Variants in SLC7A5 observed in about 807,000 individuals in gnomAD.
The protein encoded by SLC7A5 is large neutral amino acids transporter small subunit 1.
In SLC7A5, 23 loss-of-function variants were observed where a neutral mutation model predicts 50.2. The ratio of observed to expected loss-of-function variants is 0.46; its 90% CI spans 0.33 to 0.65. SLC7A5 has a LOEUF of 0.65. Among genes scored for constraint, SLC7A5 ranks in the 30% least tolerant of loss-of-function variants. SLC7A5 has a pLI of 0.02. For synonymous variants in SLC7A5, 393 were observed against 330.6 expected, an observed-to-expected ratio of 1.19 and a Z score of -2.05; for missense variants, 578 against 684.4, an observed-to-expected ratio of 0.84 and a Z score of 1.73.
chr16:87,847,552 C>G (rs775596094), intron 2 of SLC7A5, among the ~76,000 whole-genome samples: 1 of 152,178 alleles, frequency 6.6e-6, no homozygotes, highest in South Asian at 2.1e-4. Context: ...TCAGGATGGA[C>G]GTGTTACTCA....
rs939604745 is a variant in SLC7A5 at position 87,862,154 on chromosome 16, G to T, written c.538+6731C>A. On this transcript the variant is annotated intron_variant, in intron 1 of 9. Transcript: ENST00000261622. The surrounding 1 kb of genome is among the most constrained non-coding windows in gnomAD (Gnocchi z 5.3). ...CTACAGGTGCTTGATACCCCAGGGG[G>T]GCCCTGGAACAGGCCTGGACTGAGA... is the stretch of plus-strand genomic sequence containing the variant. Among the ~76,000 whole-genome samples the T allele has an allele frequency of 2.5e-4, 38 of 152,050 alleles. No homozygotes were observed. The highest frequency in any genetic ancestry group is 8.0e-4 in the African/African-American group (33 of 41,388).
At position 87,839,695 on chromosome 16, in the gene SLC7A5, G is replaced by A. The variant is rs534662843; in HGVS notation, c.939+7C>T. On this transcript the variant is annotated splice_region_variant and intron_variant, in intron 5 of 9. Coordinates refer to ENST00000261622, the MANE Select transcript of SLC7A5 (RefSeq NM_003486.7). ...CCCCTGGTGGAAGCTGGCGGGTAGC[G>A]GCTCACCACGGCCACGGCCTCGGAC... 3.3e-5 allele frequency: 53 copies of A among 1,613,112 alleles called. No individual in the cohort carries two copies. The highest frequency in any genetic ancestry group is 1.6e-4 in the East Asian group (7 of 44,864).
rs567414441 is a variant in SLC7A5, at chr16:87,840,572, C to G, written c.771-99G>C. 111 of 1,047,452 alleles carry G rather than the reference C, an allele frequency of 1.1e-4. No individual in the cohort carries two copies. In the African/African-American group the frequency reaches 1.5e-3, roughly 14 times the overall value. The allele number at this position is 1,047,452 out of a possible 1,614,324, so 64.9% of individuals were successfully genotyped here. On this transcript the variant is annotated intron_variant, in intron 3 of 9. Coordinates refer to ENST00000261622, the MANE Select transcript of SLC7A5 (RefSeq NM_003486.7). ...CCAGGGCAGCTGGTGAGCCTGCCCC[C>G]CGGTGGTCTGCTCGCTGGGCTGGAA...
chr16:87,839,651 C>T, intron 5 of SLC7A5, 51 bp downstream of exon 5: 1 of 1,610,520 alleles, frequency 6.2e-7, no homozygotes, highest in Non-Finnish European at 8.5e-7. Context: ...AAGGGACGGG[C>T]TGGCCACAGC....
intron 2 of SLC7A5, among the ~76,000 whole-genome samples, chr16:87,851,236 G>T (rs2055218548): frequency 6.6e-6 from 1 of 151,820 alleles, no homozygotes; most frequent in Non-Finnish European, 1.5e-5. Context: ...GAAACACAGA[G>T]ACAATCCCAC....
At chr16:87,868,840 C>G (rs1211938962) in intron 1 of SLC7A5, 45 bp downstream of exon 1, 1 of 1,553,302 alleles carries the variant, frequency 6.4e-7, no homozygotes, top group Admixed American at 1.9e-5. Context: ...TGCAGGGACC[C>G]AGAGACTACG....
chr16:87,839,212 C>A (rs1444551084), intron 5 of SLC7A5, among the ~76,000 whole-genome samples: 1 of 152,326 alleles, frequency 6.6e-6, no homozygotes, highest in Middle Eastern at 3.4e-3. Flanking sequence ...CTCCCTGTTC[C>A]CCCAGCCCTG....
Position 87,852,551 on chromosome 16 carries a change from C to G in SLC7A5, c.539-702G>C, listed in dbSNP as rs2055244390. Among the ~76,000 whole-genome samples, 1 of 152,068 alleles carries G rather than the reference C, an allele frequency of 6.6e-6. No individual in the cohort carries two copies. Among genetic ancestry groups the G allele is most frequent in the Non-Finnish European group, 1.5e-5 (1 of 68,030 alleles). On this transcript the variant is annotated intron_variant, in intron 1 of 9. Coordinates refer to ENST00000261622, the MANE Select transcript of SLC7A5 (RefSeq NM_003486.7). This position sits in a 1 kb window ranked among gnomAD's most constrained non-coding sequence, Gnocchi z 4.5. ...GCCAGAACGCCTGCCCCAGGAGGCG[C>G]TGAGATGTGGGGTCAGGCACGCTCA...
intron 8 of SLC7A5, among the ~76,000 whole-genome samples, chr16:87,835,598 C>G (rs1341801797): frequency 6.6e-6 from 1 of 152,232 alleles, no homozygotes; most frequent in Admixed American, 6.5e-5. Flanking sequence ...CTCCACCTCC[C>G]GAGTAGCTGC....
chr16:87,858,613 A>T (rs2055349711), intron 1 of SLC7A5, among the ~76,000 whole-genome samples: 1 of 152,152 alleles, frequency 6.6e-6, no homozygotes, highest in African/African-American at 2.4e-5. Context: ...GTCACACAGC[A>T]GTTCCTGGGC....
intron 8 of SLC7A5, among the ~76,000 whole-genome samples, 159 bp downstream of exon 8, chr16:87,836,339 T>A (rs1261606785): frequency 6.6e-6 from 1 of 152,228 alleles, no homozygotes; most frequent in Non-Finnish European, 1.5e-5. Context: ...TCGTAGCTGG[T>A]GGTCAAGTCA....
chr16:87,857,563 G>A (rs55945533), intron 1 of SLC7A5, among the ~76,000 whole-genome samples: 2,995 of 152,338 alleles, frequency 0.02, 107 homozygotes, highest in African/African-American at 0.068. Context: ...GATTACAGGC[G>A]TGAGCCACCG....
intron 7 of SLC7A5, among the ~76,000 whole-genome samples, chr16:87,837,031 AAC>A (rs1469907840): frequency 6.6e-6 from 1 of 152,172 alleles, no homozygotes; most frequent in Non-Finnish European, 1.5e-5. Flanking sequence ...TCACCAAGAA[AAC>A]AGTTTCTGTA....
intron 9 of SLC7A5, 67 bp downstream of exon 9, chr16:87,834,347 G>A (rs572401135): frequency 1.0e-5 from 15 of 1,493,028 alleles, no homozygotes; most frequent in African/African-American, 4.2e-5. Flanking sequence ...GACGGCCGAC[G>A]CCTCTCAACT....
intron 5 of SLC7A5, 59 bp from the exon 6 acceptor site, chr16:87,838,876 C>A: frequency 7.8e-7 from 1 of 1,278,822 alleles, no homozygotes; most frequent in Non-Finnish European, 1.1e-6. Flanking sequence ...CCTCCCTGTG[C>A]TCACTGGGAG....
In SLC7A5 at chr16:87,869,463, G is replaced by A. The variant is rs934357026; in HGVS notation, c.-41C>T. 59 of 1,325,430 alleles carry A rather than the reference G, an allele frequency of 4.5e-5. 1 individual carries two copies. In the African/African-American group the frequency reaches 5.8e-4, roughly 13 times the overall value. The allele number at this position is 1,325,430 out of a possible 1,614,324, so 82.1% of individuals were successfully genotyped here. A position where few individuals can be genotyped will look rare whatever the true frequency, so the allele number is the denominator to read the frequency against. On this transcript the variant is annotated 5_prime_UTR_variant, in exon 1 of 10. Coordinates refer to ENST00000261622, the MANE Select transcript of SLC7A5 (RefSeq NM_003486.7). ...CGGGCCTGGGACACCCGGGAGCCGCGGCCCAGCGAGCAGTGTGCGCGCCGC... is the reference window on the plus strand; with the variant it reads ...CGGGCCTGGGACACCCGGGAGCCGCAGCCCAGCGAGCAGTGTGCGCGCCGC...
At position 87,841,249 on chromosome 16, in the gene SLC7A5, C is replaced by T. The variant is rs915809148; in HGVS notation, c.665-94G>A. On this transcript the variant is annotated intron_variant, in intron 2 of 9. Coordinates refer to ENST00000261622, the MANE Select transcript of SLC7A5 (RefSeq NM_003486.7). The surrounding 1 kb of genome is among the most constrained non-coding windows in gnomAD (Gnocchi z 4.8). ...AATGTTCCTGGAGCAAAATACATAG[C>T]AAACAAAAATGCTGGAGTGAAGGCT... The T allele has an allele frequency of 1.2e-6, 1 of 835,312 alleles. No homozygotes were observed. The highest frequency in any genetic ancestry group is 1.7e-5 in the African/African-American group (1 of 59,998). 51.7% of individuals were successfully genotyped at this position (835,312 alleles called of 1,614,324 possible). A position where few individuals can be genotyped will look rare whatever the true frequency, so the allele number is the denominator to read the frequency against.
intron 2 of SLC7A5, among the ~76,000 whole-genome samples, chr16:87,848,730 G>A (rs912951965): frequency 2.6e-5 from 4 of 152,166 alleles, no homozygotes; most frequent in African/African-American, 9.7e-5. Context: ...CCAGGGCCCC[G>A]CTTATTCCCC....
intron 2 of SLC7A5, among the ~76,000 whole-genome samples, chr16:87,844,944 G>A (rs896574796): frequency 3.3e-5 from 5 of 152,220 alleles, no homozygotes; most frequent in Non-Finnish European, 7.3e-5. Flanking sequence ...AGATCATCCC[G>A]GATTAGAGTA....
Sources: gnomAD v4.1 joint callset for allele counts (sites outside exome capture counted in the v4.1 genomes callset) on GRCh38, gnomAD v4.1.1 for gene constraint, Gnocchi (gnomAD v3.1) non-coding constraint, MANE v1.5 for transcripts, NCBI Gene and HGNC (gene_info 2026-07-23, HGNC 2026-07-21) for gene names.